CTIF: variants seen among roughly 807,000 people sequenced by gnomAD.
CTIF encodes CBP80/20-dependent translation initiation factor.
In CTIF, 21 loss-of-function variants were observed where a neutral mutation model predicts 66.0. The observed-to-expected ratio is 0.32, with a 90% CI of 0.23 to 0.46. CTIF has a LOEUF of 0.46. CTIF is among the 20% of genes least tolerant of loss of function. The pLI is 1.00. For synonymous variants in CTIF, 345 were observed against 326.4 expected, an observed-to-expected ratio of 1.06 and a Z score of -0.62; for missense variants, 739 against 812.7, an observed-to-expected ratio of 0.91 and a Z score of 1.10.
At chr18:48,601,211 T>C (rs1177425797) in intron 1 of CTIF, among the ~76,000 whole-genome samples, 1 of 152,220 alleles carries the variant, frequency 6.6e-6, no homozygotes, top group Non-Finnish European at 1.5e-5. Context: ...CGTGTTAATC[T>C]GTGTTAATTT....
chr18:48,541,390 G>T (rs2088616178), intron 1 of CTIF, among the ~76,000 whole-genome samples: 1 of 152,192 alleles, frequency 6.6e-6, no homozygotes, highest in African/African-American at 2.4e-5. Context: ...GAGCGCCGCC[G>T]CTGCTGGAGC....
chr18:48,850,549 G>C (rs72915640), intron 10 of CTIF, among the ~76,000 whole-genome samples: 21,620 of 152,252 alleles, frequency 0.14, 1,762 homozygotes, highest in Non-Finnish European at 0.19. Flanking sequence ...GGCCAAGATA[G>C]ACAAGACTGG....
At chr18:48,748,136 T>G (rs1907427613) in intron 7 of CTIF, among the ~76,000 whole-genome samples, 1 of 151,918 alleles carries the variant, frequency 6.6e-6, no homozygotes, top group African/African-American at 2.4e-5. Flanking sequence ...GTGAGGAAGT[T>G]CTTCTAGAAG....
rs1196797964 is a variant in CTIF at position 48,603,495 on chromosome 18, G to GGT, written c.-28-16043_-28-16042insGT. Among the ~76,000 whole-genome samples the GGT allele has an allele frequency of 9.3e-4, 107 of 115,572 alleles. 1 individual carries two copies. The highest frequency in any genetic ancestry group is 3.2e-3 in the Admixed American group (38 of 11,800). The allele number at this position is 115,572 out of a possible 152,430, so 75.8% of individuals were successfully genotyped here. A position where few individuals can be genotyped will look rare whatever the true frequency, so the allele number is the denominator to read the frequency against. On this transcript the variant is annotated intron_variant, in intron 1 of 11. Coordinates refer to ENST00000256413, the MANE Select transcript of CTIF (RefSeq NM_014772.3). The stretch of plus-strand genomic sequence containing the variant: ...GCTAGATGGGTGGGTGGGTGGGTGG[G>GGT]TGGGTGGATGGATGGATGGATGGAT...
intron 10 of CTIF, among the ~76,000 whole-genome samples, chr18:48,823,140 T>C (rs2068516757): frequency 6.6e-6 from 1 of 152,214 alleles, no homozygotes; most frequent in Non-Finnish European, 1.5e-5. Flanking sequence ...ATTATTTCCT[T>C]TGCTGTGCAG....
rs139508677 is a variant in CTIF, at chr18:48,611,310, G to A, written c.-28-8228G>A. Among the ~76,000 whole-genome samples, 31 of 152,366 alleles carry A rather than the reference G, an allele frequency of 2.0e-4. No homozygotes were observed. In the East Asian group the frequency reaches 6.0e-3, roughly 29 times the overall value. On this transcript the variant is annotated intron_variant, in intron 1 of 11. Transcript: ENST00000256413. ...GCTGTCATGTCATGCGCCTGGCCCT[G>A]AGAGTCCAGTGTGGAGGTGGTGGCC...
At chr18:48,685,093 C>G (rs2091815884) in intron 6 of CTIF, among the ~76,000 whole-genome samples, 1 of 138,722 alleles carries the variant, frequency 7.2e-6, no homozygotes, top group Non-Finnish European at 1.6e-5. Context: ...GTTGTCATAT[C>G]TCTTTATCTC....
At chr18:48,595,441 T>G (rs79878305) in intron 1 of CTIF, among the ~76,000 whole-genome samples, 388 of 152,256 alleles carry the variant, frequency 2.5e-3, no homozygotes, top group Non-Finnish European at 4.2e-3. Context: ...TAATTTTTTT[T>G]AGAGAGACAG....
chr18:48,619,467 T>C, intron 1 of CTIF, 71 bp from the exon 2 acceptor site: 3 of 989,694 alleles, frequency 3.0e-6, no homozygotes, highest in Non-Finnish European at 4.1e-6. Flanking sequence ...GCAGAGGGTG[T>C]TTCTCAGGTG....
intron 1 of CTIF, among the ~76,000 whole-genome samples, chr18:48,581,869 G>T (rs1014841564): frequency 1.5e-4 from 23 of 152,126 alleles, no homozygotes; most frequent in African/African-American, 4.8e-4. Flanking sequence ...GTGGCAAAGG[G>T]AATGGTTTGG....
chr18:48,574,997 G>A (rs75521428), intron 1 of CTIF, among the ~76,000 whole-genome samples: 11,194 of 152,264 alleles, frequency 0.074, 481 homozygotes, highest in South Asian at 0.1. Flanking sequence ...GATGACAGGT[G>A]TTGGGAACTG....
chr18:48,765,319 A>G (rs558080838), intron 9 of CTIF, among the ~76,000 whole-genome samples: 2 of 152,102 alleles, frequency 1.3e-5, no homozygotes, highest in East Asian at 1.9e-4. Context: ...TCGGTCCCCA[A>G]CCAGCACCTG....
At chr18:48,613,014 C>G (rs935758081) in intron 1 of CTIF, among the ~76,000 whole-genome samples, 2 of 152,050 alleles carry the variant, frequency 1.3e-5, no homozygotes, top group Admixed American at 1.3e-4. Context: ...GTGCGGGCCT[C>G]GAATGATGGA....
intron 1 of CTIF, among the ~76,000 whole-genome samples, chr18:48,552,103 A>G (rs1257927116): frequency 1.3e-5 from 2 of 152,222 alleles, no homozygotes; most frequent in African/African-American, 2.4e-5. Flanking sequence ...TGCCTGGCCT[A>G]ATAATAACTT....
chr18:48,645,309 G>T (rs752652031), intron 3 of CTIF, among the ~76,000 whole-genome samples: 3 of 104,768 alleles, frequency 2.9e-5, no homozygotes, highest in South Asian at 3.2e-4. Flanking sequence ...ATAAAAAGCT[G>T]CTCTCTACAG....
chr18:48,761,567 A>G lies in CTIF; in HGVS notation c.1249A>G (p.Ile417Val), dbSNP rs144162788. The G allele has an allele frequency of 1.7e-5, 28 of 1,614,038 alleles. No individual in the cohort carries two copies. In the African/African-American group the frequency reaches 2.8e-4, roughly 16 times the overall value. The change falls in exon 9 of 12, where the codon ATC (isoleucine) becomes GTC (valine). Residue 417 changes from isoleucine (I) to valine (V), a missense_variant. Transcript: ENST00000256413. This position sits in a 1 kb window ranked among gnomAD's most constrained non-coding sequence, Gnocchi z 4.2. ...EEMLGEIVRT[I>V]YQKAVSDRSF... ...GATGCTGGGCGAGATCGTGCGCACA[A>G]TCTACCAGAAGGCTGTGTCCGACCG...
In CTIF at chr18:48,861,382, C is replaced by T. The variant is rs1295678154; in HGVS notation, c.*1823C>T. ...CCTCCCTCCACGGTTTCTTCCCAGA[C>T]TTTCTCAAGCTCCTCCTCACTGCCC... On this transcript the variant is annotated 3_prime_UTR_variant, in exon 12 of 12. Transcript: ENST00000256413. 1 of 152,816 alleles carries T rather than the reference C, an allele frequency of 6.5e-6. No homozygotes were observed. The highest frequency in any genetic ancestry group is 1.5e-5 in the Non-Finnish European group (1 of 68,472). 9.5% of individuals were successfully genotyped at this position (152,816 alleles called of 1,614,324 possible).
chr18:48,738,534 T>C (rs2092524465), intron 7 of CTIF, among the ~76,000 whole-genome samples: 1 of 149,870 alleles, frequency 6.7e-6, no homozygotes, highest in African/African-American at 2.4e-5. Context: ...GCACTGGCTG[T>C]TCCCCCTCCC....
At chr18:48,624,628 G>A (rs1270920545) in intron 2 of CTIF, among the ~76,000 whole-genome samples, 1 of 152,194 alleles carries the variant, frequency 6.6e-6, no homozygotes, top group African/African-American at 2.4e-5. Flanking sequence ...CACTTAGGGA[G>A]CTGTGAGAAA....
Sources: allele counts gnomAD v4.1 joint callset (sites outside exome capture counted in the v4.1 genomes callset), GRCh38; gene constraint gnomAD v4.1.1; non-coding constraint Gnocchi (gnomAD v3.1); transcripts MANE v1.5; gene names NCBI Gene and HGNC (gene_info 2026-07-23, HGNC 2026-07-21).